The following NRAP variants were observed in gnomAD, a reference collection of about 807,000 sequenced individuals.
NRAP encodes nebulin related anchoring protein.
NRAP carries 189 observed loss-of-function variants against 225.9 expected under a neutral mutation model. The ratio of observed to expected loss-of-function variants is 0.84; its 90% confidence interval spans 0.74 to 0.94. The LOEUF (loss-of-function observed/expected upper bound fraction) is 0.94. Ranked by LOEUF, NRAP falls within the 40% of genes least tolerant of loss-of-function variation. The pLI, the probability that NRAP is intolerant of heterozygous loss-of-function variation, is 0.00. For missense variants in NRAP, 2,176 were observed against 2,168.7 expected (o/e 1.00, Z -0.07); for synonymous variants, 769 against 790.7 (o/e 0.97, Z 0.46).
chr10:113,618,730 G>A (rs2133968224), intron 25 of NRAP, among the ~76,000 whole-genome samples: 1 of 152,350 alleles, frequency 6.6e-6, no homozygotes, highest in South Asian at 2.1e-4. Flanking sequence ...CGAATCACCT[G>A]AAATCAGGAG....
intron 12 of NRAP, among the ~76,000 whole-genome samples, 168 bp from the exon 13 acceptor site, chr10:113,641,640 C>T (rs938719277): frequency 7.2e-5 from 11 of 152,016 alleles, no homozygotes; most frequent in African/African-American, 2.4e-4. Context: ...TTTTTAATAA[C>T]GTAAATTTCA....
intron 11 of NRAP, among the ~76,000 whole-genome samples, chr10:113,643,923 A>C (rs1849350951): frequency 6.6e-6 from 1 of 152,094 alleles, no homozygotes; most frequent in Non-Finnish European, 1.5e-5. Context: ...ATATAGAAAG[A>C]GGCTAAAATG....
intron 9 of NRAP, 28 bp downstream of exon 9, chr10:113,650,009 C>G: frequency 7.9e-7 from 1 of 1,261,606 alleles, no homozygotes; most frequent in Non-Finnish European, 1.2e-6. Flanking sequence ...TGGAAAAGAG[C>G]AGGTCAGGAG....
chr10:113,638,742 AAAC>A (rs1242720344), intron 14 of NRAP, among the ~76,000 whole-genome samples: 3 of 152,154 alleles, frequency 2.0e-5, no homozygotes, highest in Non-Finnish European at 4.4e-5. Flanking sequence ...GGTTCAATTA[AAAC>A]AACAACAACA....
intron 4 of NRAP, among the ~76,000 whole-genome samples, chr10:113,654,507 C>CAAAA (rs56238053): frequency 7.8e-5 from 10 of 128,690 alleles, no homozygotes; most frequent in Non-Finnish European, 1.3e-4. Context: ...GCAATAAAAG[C>CAAAA]AAAAAAAAAA....
At position 113,624,818 on chromosome 10, in the gene NRAP, C is replaced by T; in HGVS notation, c.2349+8G>A. On this transcript the variant is annotated splice_region_variant and intron_variant, in intron 22 of 41. Transcript: ENST00000359988. ...AGAGTTCTTGCTGCCCACTCATTCT[C>T]TCTGTACCTCGCTGAGATTTGCAGC... The T allele has an allele frequency of 6.2e-7, 1 of 1,608,830 alleles. No homozygotes were observed. Among genetic ancestry groups the T allele is most frequent in the Non-Finnish European group, 8.5e-7 (1 of 1,175,306 alleles).
chr10:113,644,344 G>C (rs549395951), intron 11 of NRAP, among the ~76,000 whole-genome samples: 10 of 152,186 alleles, frequency 6.6e-5, no homozygotes, highest in East Asian at 5.8e-4. Flanking sequence ...CTAGTGTTCT[G>C]TGAGTGAGAG....
At chr10:113,631,460 A>T in intron 18 of NRAP, 49 bp downstream of exon 18, 2 of 1,227,792 alleles carry the variant, frequency 1.6e-6, no homozygotes, top group Non-Finnish European at 2.3e-6. Flanking sequence ...GAAAACTTTT[A>T]AAATAACACA....
chr10:113,600,285 C>T (rs1254300035), intron 35 of NRAP, among the ~76,000 whole-genome samples: 1 of 151,924 alleles, frequency 6.6e-6, no homozygotes, highest in East Asian at 1.9e-4. Context: ...ATCCTCCCAC[C>T]TCAGCCTCTC....
rs200050542 is a variant in NRAP at position 113,653,023 on chromosome 10, T to TC, written c.481_482insG (p.Tyr161Ter). The change falls in exon 6 of 42, where the codon TAT becomes TGAT. Residue 161 changes from tyrosine (Y) to a stop codon, truncating the protein, a stop_gained and frameshift_variant. Coordinates refer to ENST00000359988, the MANE Select transcript of NRAP (RefSeq NM_198060.4). LOFTEE classifies it high-confidence loss of function. ...KSLGEEYTED[Y>*]EQPRGKGSFP... is the part of the protein sequence containing the mutation. The stretch of plus-strand genomic sequence containing the variant: ...GCTCCCCTTGCCCCTGGGTTGCTCA[T>TC]AGTCTTCTGTATATTCCTGTTGGTC... The TC allele has an allele frequency of 3.1e-6, 5 of 1,608,268 alleles. No homozygotes were observed. The African/African-American group carries it at 5.4e-5, about 17-fold the overall frequency.
intron 18 of NRAP, 100 bp downstream of exon 18, chr10:113,631,409 G>A (rs1325898891): frequency 2.2e-5 from 15 of 669,018 alleles, no homozygotes; most frequent in Non-Finnish European, 3.9e-5. Context: ...GCAGGTAGAA[G>A]TCAATAAAAA....
chr10:113,608,864 A>T (rs1847160859), intron 31 of NRAP, among the ~76,000 whole-genome samples: 1 of 152,138 alleles, frequency 6.6e-6, no homozygotes, highest in Non-Finnish European at 1.5e-5. Context: ...CTGCAGCTTT[A>T]AAAAAACAGA....
Position 113,604,663 on chromosome 10 carries a change from C to T in NRAP, c.4173G>A (p.Leu1391=). 1 of 1,614,178 alleles carries T rather than the reference C, an allele frequency of 6.2e-7. No homozygotes were observed. Among genetic ancestry groups the T allele is most frequent in the Non-Finnish European group, 8.5e-7 (1 of 1,180,022 alleles). ...CCCAGGCCATCTTCAGGTCCTCGGG[C>T]AGTGCTGTGAACTTGTGATACTGTG... ...YRTQYHKFTA[L]PEDLKMAWAK... Residue 1391 remains leucine, a synonymous_variant, in exon 35 of 42, where the codon CTG becomes CTA. Transcript: ENST00000359988.
At position 113,614,923 on chromosome 10, in the gene NRAP, G is replaced by A; in HGVS notation, c.3102C>T (p.Ser1034=). ...GTTTATAGCCACCATCTCGAAGTTT[G>A]CTCCAGGATTCCTTATAACGCGTCT... The part of the protein sequence containing the change: ...ISETRYKESW[S]KLRDGGYKLR... The change falls in exon 28 of 42, where the codon AGC becomes AGT. Residue 1034 remains serine, a synonymous_variant. Coordinates refer to ENST00000359988, the MANE Select transcript of NRAP (RefSeq NM_198060.4). The A allele has an allele frequency of 3.7e-6, 6 of 1,610,022 alleles. No individual in the cohort carries two copies. The highest frequency in any genetic ancestry group is 5.1e-6 in the Non-Finnish European group (6 of 1,176,196).
chr10:113,655,705 C>A (rs1850268644), intron 4 of NRAP, among the ~76,000 whole-genome samples: 1 of 152,114 alleles, frequency 6.6e-6, no homozygotes, highest in Non-Finnish European at 1.5e-5. Context: ...CCACCTTGGC[C>A]TCCCAAAGTG....
chr10:113,624,962 G>C (rs1351615613), intron 21 of NRAP, 32 bp from the exon 22 acceptor site: 1 of 1,451,724 alleles, frequency 6.9e-7, no homozygotes, highest in Non-Finnish European at 9.7e-7. Context: ...TCAGGAGCAG[G>C]TGGCAAGGGC....
At position 113,589,746 on chromosome 10, in the gene NRAP, G is replaced by A. The variant is rs1388714154; in HGVS notation, c.5008C>T (p.Pro1670Ser). The A allele has an allele frequency of 4.3e-6, 7 of 1,614,204 alleles. No homozygotes were observed. The highest frequency in any genetic ancestry group is 4.0e-5 in the African/African-American group (3 of 75,054). ...GCCATTTCCACTTTGTAGGAGCCAG[G>A]AGGGGTCCAGCCAACACCTCTGGTC... ...NLTRGVGWTP[P>S]GSYKVEMARR... Residue 1670 changes from proline (P) to serine (S), a missense_variant, in exon 41 of 42, where the codon CCT becomes TCT. Physicochemically the swap from Pro to Ser is moderately conservative, Grantham distance 74 (BLOSUM62 -1). Around this residue, in one of 3 missense-constraint regions of NRAP, gnomAD observed 445 missense variants for 426.1 expected, o/e 1.04. Coordinates refer to ENST00000359988, the MANE Select transcript of NRAP (RefSeq NM_198060.4).
chr10:113,639,512 T>C (rs1226063874), intron 14 of NRAP, among the ~76,000 whole-genome samples: 1 of 152,258 alleles, frequency 6.6e-6, no homozygotes, highest in Non-Finnish European at 1.5e-5. Flanking sequence ...TGTTAAATTA[T>C]TGATTGATTG....
In NRAP at chr10:113,648,963, A is replaced by G. The variant is rs371929163; in HGVS notation, c.888+1074T>C. Among the ~76,000 whole-genome samples the G allele has an allele frequency of 2.0e-5, 3 of 152,238 alleles. No individual in the cohort carries two copies. In the South Asian group the frequency reaches 6.2e-4, roughly 32 times the overall value. ...CAGGACAAAATACTTTTTGCCAAAT[A>G]TAGAAGCCAGATTTTTTTTAAGCTG... On this transcript the variant is annotated intron_variant, in intron 9 of 41. Coordinates refer to ENST00000359988, the MANE Select transcript of NRAP (RefSeq NM_198060.4).
Sources: allele counts gnomAD v4.1 joint callset (sites outside exome capture counted in the v4.1 genomes callset), GRCh38; gene constraint gnomAD v4.1.1; regional missense constraint gnomAD v4.1.1; transcripts MANE v1.5; gene names NCBI Gene and HGNC (gene_info 2026-07-23, HGNC 2026-07-21).